Variants in USP44 observed in about 807,000 individuals in gnomAD.
USP44 encodes the protein ubiquitin carboxyl-terminal hydrolase 44.
In USP44, 61 loss-of-function variants were observed where a neutral mutation model predicts 69.0. The observed-to-expected ratio is 0.88, with a 90% CI of 0.72 to 1.09. The LOEUF is 1.09. USP44 is among the 50% of genes least tolerant of loss of function. The probability of loss-of-function intolerance (pLI) is 0.00; values close to 1 mark genes in which losing one functional copy is unlikely to be tolerated. For synonymous variants in USP44, 297 were observed against 295.4 expected (o/e 1.01, Z -0.06); for missense variants, 753 against 849.9 (o/e 0.89, Z 1.42).
intron 5 of USP44, 129 bp downstream of exon 5, chr12:95,520,868 A>G: frequency 1.3e-6 from 1 of 791,598 alleles, no homozygotes; most frequent in Non-Finnish European, 2.0e-6. Flanking sequence ...CTGCAGAGGC[A>G]TTCTCCCTAA....
Position 95,534,677 on chromosome 12 carries a change from CTTT to C in USP44, c.-70-354_-70-352del, listed in dbSNP as rs71082032. Among the ~76,000 whole-genome samples the C allele has an allele frequency of 4.1e-4, 58 of 142,190 alleles. 1 individual carries two copies. Among genetic ancestry groups the C allele is most frequent in the Admixed American group, 1.5e-3 (22 of 14,282 alleles). 93.3% of individuals were successfully genotyped at this position (142,190 alleles called of 152,430 possible). The stretch of plus-strand genomic sequence containing the variant: ...AGGGCAGTTTCCAAAACTGCATTCC[CTTT>C]TTTTTTTTTTTTTGAGACAGAGTCT... On this transcript the variant is annotated intron_variant, in intron 1 of 5. Coordinates refer to ENST00000258499, the MANE Select transcript of USP44 (RefSeq NM_032147.5).
Position 95,528,925 on chromosome 12 carries a change from C to A in USP44, c.1506G>T (p.Arg502Ser), listed in dbSNP as rs200006062. Residue 502 changes from arginine to serine, a missense_variant, in exon 3 of 6, where the codon AGG becomes AGT. By Grantham distance (110) the Arg-to-Ser change is moderately radical (BLOSUM62 -1). Transcript: ENST00000258499. ...FWDLSLEFPE[R>S]YQCSGKDIAS... ...CAATATCTTTTCCACTGCATTGATA[C>A]CTTTCTGGAAACTCCAATGACAAGT... The A allele has an allele frequency of 1.2e-6, 2 of 1,614,018 alleles. No homozygotes were observed. The highest frequency in any genetic ancestry group is 1.7e-6 in the Non-Finnish European group (2 of 1,179,998).
At chr12:95,541,524 G>A (rs986377251) in intron 1 of USP44, among the ~76,000 whole-genome samples, 8 of 151,944 alleles carry the variant, frequency 5.3e-5, no homozygotes, top group African/African-American at 1.9e-4. Flanking sequence ...AGGCTGCAGC[G>A]AGCCATGATG....
chr12:95,522,445 C>A (rs301003), intron 4 of USP44, among the ~76,000 whole-genome samples: 13,404 of 152,142 alleles, frequency 0.088, 722 homozygotes, highest in Non-Finnish European at 0.12. Flanking sequence ...CCAGTTTCCT[C>A]AGATACATCT....
chr12:95,533,236 C>G lies in USP44; in HGVS notation c.1021G>C (p.Asp341His). 1 of 1,614,128 alleles carries G rather than the reference C, an allele frequency of 6.2e-7. No homozygotes were observed. The highest frequency in any genetic ancestry group is 8.5e-7 in the Non-Finnish European group (1 of 1,179,994). The change falls in exon 2 of 6, where the codon GAT (aspartate) becomes CAT (histidine). Residue 341 changes from aspartate (D) to histidine (H), a missense_variant. Physicochemically the swap from Asp to His is moderately conservative, Grantham distance 81. Transcript: ENST00000258499. ...TGTCTGGAGCAAACAAAACCTGTAT[C>G]TTTTTCCTGACATTCATTCATTTGA... ...VYQMNECQEKDTGFVCSRQSS... is the reference protein window; with the variant it reads ...VYQMNECQEKHTGFVCSRQSS...
chr12:95,532,756 T>C (rs778673003), intron 2 of USP44, 73 bp downstream of exon 2: 4 of 1,313,440 alleles, frequency 3.0e-6, no homozygotes, highest in East Asian at 4.8e-5. Flanking sequence ...TAGATGTACA[T>C]AGAATATGCC....
intron 4 of USP44, among the ~76,000 whole-genome samples, chr12:95,524,229 C>T (rs1055411813): frequency 1.8e-4 from 28 of 151,822 alleles, no homozygotes; most frequent in Admixed American, 1.6e-3. Context: ...TACAGGCATG[C>T]GCCACCATGC....
rs1349820830 is a variant in USP44, at chr12:95,534,019, A to G, written c.238T>C (p.Tyr80His). Residue 80 changes from tyrosine (Y) to histidine (H), a missense_variant, in exon 2 of 6, where the codon TAC becomes CAC. Coordinates refer to ENST00000258499, the MANE Select transcript of USP44 (RefSeq NM_032147.5). ...TTCAGAACATAATCATCACAAAGGT[A>G]ACAAAAAACGTACATCTCATTCACC... ...LEVNEMYVFC[Y>H]LCDDYVLNDN... 1 of 1,614,226 alleles carries G rather than the reference A, an allele frequency of 6.2e-7. No homozygotes were observed. Among genetic ancestry groups the G allele is most frequent in the Non-Finnish European group, 8.5e-7 (1 of 1,180,042 alleles).
At chr12:95,544,889 T>A (rs1276599833) in intron 1 of USP44, among the ~76,000 whole-genome samples, 1 of 152,158 alleles carries the variant, frequency 6.6e-6, no homozygotes, top group Non-Finnish European at 1.5e-5. Context: ...ATAACCACAA[T>A]TTTATCAATA....
At chr12:95,526,444 C>T (rs375917312) in intron 3 of USP44, among the ~76,000 whole-genome samples, 6 of 151,966 alleles carry the variant, frequency 3.9e-5, no homozygotes, top group African/African-American at 7.2e-5. Context: ...TGGTGGCGGG[C>T]GCCTGTAGTC....
rs1441368994 is a variant in USP44 at position 95,533,908 on chromosome 12, C to T, written c.349G>A (p.Gly117Arg). The T allele has an allele frequency of 2.5e-6, 4 of 1,614,074 alleles. No homozygotes were observed. Among genetic ancestry groups the T allele is most frequent in the South Asian group, 1.1e-5 (1 of 91,088 alleles). The change falls in exon 2 of 6, where the codon GGG becomes AGG. Residue 117 changes from glycine to arginine, a missense_variant. By Grantham distance (125) the Gly-to-Arg change is moderately radical (BLOSUM62 -2). Transcript: ENST00000258499. Reference sequence around the variant, plus strand: ...GTACCCATGGACCGTAAAAACCTCCCACTACGAGTTGTGCAGTGATAATTT... The same window carrying T: ...GTACCCATGGACCGTAAAAACCTCCTACTACGAGTTGTGCAGTGATAATTT... ...SQNYHCTTRS[G>R]RFLRSMGTGD... is the part of the protein sequence containing the mutation.
chr12:95,548,165 A>T lies in USP44; in HGVS notation c.-71+3107T>A, dbSNP rs1451557778. The T allele has an allele frequency of 1.3e-5, 2 of 152,182 alleles. No homozygotes were observed. Among genetic ancestry groups the T allele is most frequent in the African/African-American group, 4.8e-5 (2 of 41,444 alleles). 9.4% of individuals were successfully genotyped at this position (152,182 alleles called of 1,614,324 possible). ...GTGCCGGCAGCGCGGGGACCGATCG[A>T]TGGAGAGAAGGCGGGCAAGACGCCG... On this transcript the variant is annotated intron_variant, in intron 1 of 5. Coordinates refer to ENST00000258499, the MANE Select transcript of USP44 (RefSeq NM_032147.5). This position sits in a 1 kb window ranked among gnomAD's most constrained non-coding sequence, Gnocchi z 4.1.
At chr12:95,519,601 C>T (rs1458735389) in intron 5 of USP44, among the ~76,000 whole-genome samples, 7 of 150,472 alleles carry the variant, frequency 4.7e-5, no homozygotes, top group African/African-American at 1.5e-4. Context: ...CCACCACGCC[C>T]GGCTAATTTT....
intron 5 of USP44, among the ~76,000 whole-genome samples, chr12:95,520,007 C>CA (rs56348745): frequency 0.024 from 841 of 34,508 alleles, 146 homozygotes; most frequent in Non-Finnish European, 0.03. Context: ...GACTCTGTCT[C>CA]AAAAAAAAAA....
chr12:95,518,326 T>C lies in USP44; in HGVS notation c.1967A>G (p.Lys656Arg), dbSNP rs1193918286. The change falls in exon 6 of 6, where the codon AAA becomes AGA. Residue 656 changes from lysine (K) to arginine (R), a missense_variant. Coordinates refer to ENST00000258499, the MANE Select transcript of USP44 (RefSeq NM_032147.5). Reference protein sequence around the residue: ...GGFWVHCNDSKLSMCTMDEVC... With the variant: ...GGFWVHCNDSRLSMCTMDEVC... Reference sequence around the variant, plus strand: ...TTCATCCATAGTGCACATGCTTAGTTTGGAATCATTGCAGTGTACCCAGAA... The same window carrying C: ...TTCATCCATAGTGCACATGCTTAGTCTGGAATCATTGCAGTGTACCCAGAA... 1 of 1,614,180 alleles carries C rather than the reference T, an allele frequency of 6.2e-7. No homozygotes were observed. The highest frequency in any genetic ancestry group is 2.2e-5 in the East Asian group (1 of 44,878).
chr12:95,537,464 A>G (rs981384572), intron 1 of USP44, among the ~76,000 whole-genome samples: 1 of 152,176 alleles, frequency 6.6e-6, no homozygotes, highest in South Asian at 2.1e-4. Flanking sequence ...GATTACAGGC[A>G]CACGTCACCA....
At chr12:95,546,613 A>C (rs2077579339) in intron 1 of USP44, 1 of 152,180 alleles carries the variant, frequency 6.6e-6, no homozygotes, top group African/African-American at 2.4e-5. Flanking sequence ...GCCTCTCGCT[A>C]ATCTCCCTGG....
At chr12:95,544,394 C>A (rs1434776567) in intron 1 of USP44, among the ~76,000 whole-genome samples, 1 of 152,072 alleles carries the variant, frequency 6.6e-6, no homozygotes, top group Non-Finnish European at 1.5e-5. Context: ...TTTCAGCCAG[C>A]CACTCTCTTT....
chr12:95,518,266 G>T lies in USP44; in HGVS notation c.2027C>A (p.Thr676Asn). Residue 676 changes from threonine (T) to asparagine (N), a missense_variant, in exon 6 of 6, where the codon ACC becomes AAC. By Grantham distance (65) the Thr-to-Asn change is moderately conservative. Coordinates refer to ENST00000258499, the MANE Select transcript of USP44 (RefSeq NM_032147.5). Reference sequence around the variant, plus strand: ...ATGTCCATTCTCAGTAACTCGTTGGGTATAAAACAAGATATAAGCTTGAGC... The same window carrying T: ...ATGTCCATTCTCAGTAACTCGTTGGTTATAAAACAAGATATAAGCTTGAGC... ...CKAQAYILFY[T>N]QRVTENGHSK... 1.2e-6 allele frequency: 2 copies of T among 1,614,144 alleles called. No individual in the cohort carries two copies. Among genetic ancestry groups the T allele is most frequent in the East Asian group, 2.2e-5 (1 of 44,870 alleles).
Sources: gnomAD v4.1 joint callset for allele counts (sites outside exome capture counted in the v4.1 genomes callset) on GRCh38, gnomAD v4.1.1 for gene constraint, Gnocchi (gnomAD v3.1) non-coding constraint, MANE v1.5 for transcripts, NCBI Gene and HGNC (gene_info 2026-07-23, HGNC 2026-07-21) for gene names.